Variants in CTNNA3 observed in about 807,000 individuals in gnomAD.
CTNNA3 encodes catenin alpha-3.
In CTNNA3, 76 loss-of-function variants were observed where a neutral mutation model predicts 95.7. That is an observed-to-expected ratio of 0.79 (90% CI 0.66 to 0.96). The LOEUF (loss-of-function observed/expected upper bound fraction) is 0.96, where lower values mean the gene tolerates loss of function less well. CTNNA3 is among the 40% of genes least tolerant of loss of function. The pLI is 0.00. For missense variants in CTNNA3, 1,191 were observed against 1,089.8 expected (o/e 1.09, Z -1.31); for synonymous variants, 431 against 374.4 (o/e 1.15, Z -1.74).
intron 7 of CTNNA3, among the ~76,000 whole-genome samples, chr10:67,141,667 C>A (rs1334709818): frequency 6.6e-6 from 1 of 152,096 alleles, no homozygotes; most frequent in Admixed American, 6.5e-5. Context: ...AGACTCAGGG[C>A]AAAAGCAGCT....
intron 13 of CTNNA3, among the ~76,000 whole-genome samples, chr10:66,122,876 C>A (rs1035544603): frequency 6.6e-6 from 1 of 152,140 alleles, no homozygotes; most frequent in East Asian, 1.9e-4. Context: ...GAGAACAGTG[C>A]AGGAAAAACC....
intron 4 of CTNNA3, among the ~76,000 whole-genome samples, chr10:67,527,662 G>C (rs1432068464): frequency 6.6e-6 from 1 of 152,200 alleles, no homozygotes; most frequent in East Asian, 1.9e-4. Flanking sequence ...TTCCTTTGGA[G>C]AAATCTAACA....
At position 67,685,947 on chromosome 10, in the gene CTNNA3, C is replaced by CCT. The variant is rs1156787080; in HGVS notation, c.-6+10051_-6+10052dup. ...CCTTCTCTTTGTCTATCTGTTTCTT[C>CCT]CTCTCTCTCTTTCCTTCTGTCTTTG... On this transcript the variant is annotated intron_variant, in intron 1 of 17. Transcript: ENST00000433211. Among the ~76,000 whole-genome samples, 8 of 152,032 alleles carry CCT rather than the reference C, an allele frequency of 5.3e-5. No individual in the cohort carries two copies. The South Asian group carries it at 1.7e-3, about 32-fold the overall frequency.
At chr10:67,289,046 A>G (rs890176999) in intron 5 of CTNNA3, among the ~76,000 whole-genome samples, 1 of 152,180 alleles carries the variant, frequency 6.6e-6, no homozygotes, top group Non-Finnish European at 1.5e-5. Flanking sequence ...CACATAATAT[A>G]TGTATTTATA....
chr10:67,291,952 T>C lies in CTNNA3; in HGVS notation c.580-72082A>G, dbSNP rs569219971. Among the ~76,000 whole-genome samples the C allele has an allele frequency of 1.3e-3, 203 of 152,286 alleles. 4 individuals are homozygous for C. The South Asian group carries it at 0.041, about 31-fold the overall frequency. ...CCAAAGATGCAGGGGAAATTGTCCA[T>C]TTATATGCTTCAGTTCAACAAAGTA... On this transcript the variant is annotated intron_variant, in intron 5 of 17. Transcript: ENST00000433211.
rs553960434 is a variant in CTNNA3 at position 67,736,613 on chromosome 10, G to A, written c.-2+26821C>T. On this transcript the variant is annotated intron_variant, in intron 1 of 17. Transcript: ENST00000684154. ...TGGGACTACAGGTGCCCACCATCAC[G>A]CCTGGCTAATTTTTGTACTTTTTAG... is the stretch of plus-strand genomic sequence containing the variant. Among the ~76,000 whole-genome samples the A allele has an allele frequency of 1.2e-3, 183 of 151,302 alleles. 1 individual carries two copies. The highest frequency in any genetic ancestry group is 4.4e-3 in the African/African-American group (181 of 41,230).
intron 13 of CTNNA3, among the ~76,000 whole-genome samples, chr10:66,132,014 C>A (rs1237073782): frequency 9.9e-5 from 15 of 152,160 alleles, no homozygotes; most frequent in Non-Finnish European, 2.9e-5. Flanking sequence ...GACGAAGACA[C>A]TGAAGGCAAT....
At chr10:67,747,370 T>C (rs3132088) in intron 1 of CTNNA3, among the ~76,000 whole-genome samples, 1 of 151,920 alleles carries the variant, frequency 6.6e-6, no homozygotes, top group Non-Finnish European at 1.5e-5. Flanking sequence ...CTTGGCATCA[T>C]GTCAGTGACC....
chr10:66,123,346 C>G (rs977070656), intron 13 of CTNNA3, among the ~76,000 whole-genome samples: 1 of 152,126 alleles, frequency 6.6e-6, no homozygotes, highest in African/African-American at 2.4e-5. Flanking sequence ...GTCTCGCATC[C>G]GGGTCATGCT....
intron 7 of CTNNA3, among the ~76,000 whole-genome samples, chr10:67,142,299 C>T (rs2132043829): frequency 1.3e-5 from 2 of 152,248 alleles, no homozygotes; most frequent in South Asian, 4.1e-4. Context: ...ATTCTCTTCT[C>T]CTCCACAGTT....
intron 9 of CTNNA3, among the ~76,000 whole-genome samples, chr10:66,741,297 C>A (rs1481194157): frequency 6.6e-6 from 1 of 151,992 alleles, no homozygotes; most frequent in Non-Finnish European, 1.5e-5. Flanking sequence ...ATTCCCAAGG[C>A]CAGGAAAACA....
In CTNNA3 at chr10:67,521,880, G is replaced by T. The variant is rs1839998542; in HGVS notation, c.541C>A (p.Leu181Met). ...AAGGCTAAATAATCCAAATTTTCCA[G>T]CTCCTTCCCAAGCTTCTGGTAGGTT... The part of the protein sequence containing the change: ...QKTYQKLGKE[L>M]ENLDYLAFKR... The change falls in exon 5 of 18, where the codon CTG becomes ATG. Residue 181 changes from leucine to methionine, a missense_variant. Physicochemically the swap from Leu to Met is conservative, Grantham distance 15 (BLOSUM62 2). Coordinates refer to ENST00000433211, the MANE Select transcript of CTNNA3 (RefSeq NM_013266.4). The T allele has an allele frequency of 6.2e-7, 1 of 1,612,546 alleles. No individual in the cohort carries two copies. Among genetic ancestry groups the T allele is most frequent in the Non-Finnish European group, 8.5e-7 (1 of 1,178,956 alleles).
chr10:67,398,494 G>A (rs908058774), intron 5 of CTNNA3, among the ~76,000 whole-genome samples: 1 of 152,196 alleles, frequency 6.6e-6, no homozygotes, highest in Non-Finnish European at 1.5e-5. Context: ...ATAGGTGGAA[G>A]GGACTTGCCT....
At chr10:66,052,677 CCAAA>C (rs565855739) in intron 15 of CTNNA3, among the ~76,000 whole-genome samples, 4 of 151,962 alleles carry the variant, frequency 2.6e-5, no homozygotes, top group Non-Finnish European at 5.9e-5. Flanking sequence ...AATCTGAAGA[CCAAA>C]CAAAGGACAA....
chr10:66,492,090 T>G (rs999549213), intron 11 of CTNNA3, among the ~76,000 whole-genome samples: 2 of 152,172 alleles, frequency 1.3e-5, no homozygotes, highest in Non-Finnish European at 2.9e-5. Flanking sequence ...GAAATTGATT[T>G]GTTACAAACT....
intron 3 of CTNNA3, among the ~76,000 whole-genome samples, chr10:67,553,222 T>C (rs1352810315): frequency 2.0e-5 from 3 of 152,164 alleles, no homozygotes; most frequent in Admixed American, 2.0e-4. Context: ...CTCAGGCACT[T>C]AGACACACTA....
intron 10 of CTNNA3, among the ~76,000 whole-genome samples, chr10:66,580,548 CA>C (rs1396016077): frequency 1.3e-5 from 2 of 151,762 alleles, no homozygotes; most frequent in Non-Finnish European, 3.0e-5. Context: ...ATAATTCTAA[CA>C]TCGCTGTCAT....
chr10:67,724,789 G>A (rs1050577413), intron 1 of CTNNA3, among the ~76,000 whole-genome samples: 1 of 152,128 alleles, frequency 6.6e-6, no homozygotes, highest in African/African-American at 2.4e-5. Context: ...TCCTGGTGCT[G>A]TGGCATAAAT....
chr10:67,291,535 C>T (rs1447854140), intron 5 of CTNNA3, among the ~76,000 whole-genome samples: 4 of 152,134 alleles, frequency 2.6e-5, no homozygotes, highest in South Asian at 2.1e-4. Context: ...TTCTCATTTC[C>T]TGTGACCTGT....
Sources: gnomAD v4.1 joint callset for allele counts (sites outside exome capture counted in the v4.1 genomes callset) on GRCh38, gnomAD v4.1.1 for gene constraint, MANE v1.5 for transcripts, NCBI Gene and HGNC (gene_info 2026-07-23, HGNC 2026-07-21) for gene names.